MGAT5B: variants seen among roughly 807,000 people sequenced by gnomAD.
MGAT5B encodes the protein N-acetylglucosaminyl-transferase Vb.
A neutral mutation model predicts 95.1 loss-of-function variants in MGAT5B; 54 were observed. The ratio of observed to expected loss-of-function variants is 0.57; its 90% CI spans 0.46 to 0.71. MGAT5B has a LOEUF of 0.71. Ranked by LOEUF, MGAT5B falls within the 30% of genes least tolerant of loss-of-function variation. MGAT5B has a pLI of 0.00. For synonymous variants in MGAT5B, 464 were observed against 451.0 expected, an observed-to-expected ratio of 1.03 and a Z score of -0.36; for missense variants, 935 against 1,088.6, an observed-to-expected ratio of 0.86 and a Z score of 1.99.
At position 76,869,406 on chromosome 17, in the gene MGAT5B, C is replaced by A. The variant is rs901382511; in HGVS notation, c.68+309C>A. Among the ~76,000 whole-genome samples, 2 of 152,076 alleles carry A rather than the reference C, an allele frequency of 1.3e-5. No individual in the cohort carries two copies. The highest frequency in any genetic ancestry group is 2.9e-5 in the Non-Finnish European group (2 of 68,000). On this transcript the variant is annotated intron_variant, in intron 1 of 17. Transcript: ENST00000569840. This position sits in a 1 kb window ranked among gnomAD's most constrained non-coding sequence, Gnocchi z 7.0. ...TCCTGGGCCCAGAAAGTTGCCCCAG[C>A]CTGCGCGCCCCTTCCCAGCCCCTCA...
rs1478965970 is a variant in MGAT5B, at chr17:76,916,561, T to C, written c.1026-8405T>C. Among the ~76,000 whole-genome samples the C allele has an allele frequency of 1.3e-5, 2 of 152,208 alleles. No homozygotes were observed. Among genetic ancestry groups the C allele is most frequent in the African/African-American group, 4.8e-5 (2 of 41,452 alleles). ...CCGTAACCCCAGCACTTTGGGAGGCTGGGATTACAGGCAGATCCCTTGAGT... is the reference window on the plus strand; with the variant it reads ...CCGTAACCCCAGCACTTTGGGAGGCCGGGATTACAGGCAGATCCCTTGAGT... On this transcript the variant is annotated intron_variant, in intron 8 of 17. Transcript: ENST00000569840. This position sits in a 1 kb window ranked among gnomAD's most constrained non-coding sequence, Gnocchi z 5.3.
chr17:76,922,227 A>G (rs1175561479), intron 8 of MGAT5B, among the ~76,000 whole-genome samples: 4 of 152,232 alleles, frequency 2.6e-5, no homozygotes, highest in Non-Finnish European at 5.9e-5. Context: ...TGGTGCAGGT[A>G]GCAGCTCCTA....
rs367562917 is a variant in MGAT5B, at chr17:76,930,255, A to G, written c.1292-2390A>G. 6.6e-6 allele frequency among the ~76,000 whole-genome samples: 1 copy of G among 151,288 alleles called. No individual in the cohort carries two copies. Among genetic ancestry groups the G allele is most frequent in the East Asian group, 2.0e-4 (1 of 5,126 alleles). On this transcript the variant is annotated intron_variant, in intron 10 of 17. Transcript: ENST00000569840. The surrounding 1 kb of genome is among the most constrained non-coding windows in gnomAD (Gnocchi z 4.1). ...GGGGGCACTTACACAGGAAAGCATC[A>G]TCTCTTCTAAGCTGTACCAGATGTT...
intron 8 of MGAT5B, among the ~76,000 whole-genome samples, chr17:76,910,074 C>T (rs1177219985): frequency 6.6e-6 from 1 of 152,140 alleles, no homozygotes; most frequent in East Asian, 1.9e-4. Flanking sequence ...CTGCAAGGAA[C>T]CCGGCTGGGA....
intron 6 of MGAT5B, among the ~76,000 whole-genome samples, chr17:76,904,723 A>T (rs564595965): frequency 1.3e-5 from 2 of 152,250 alleles, no homozygotes; most frequent in Non-Finnish European, 2.9e-5. Flanking sequence ...TTCTGTGTCC[A>T]GATGCTTTAT....
intron 3 of MGAT5B, among the ~76,000 whole-genome samples, chr17:76,884,376 AATATGTGGTT>A (rs1488599833): frequency 6.6e-6 from 1 of 152,142 alleles, no homozygotes; most frequent in Non-Finnish European, 1.5e-5. Flanking sequence ...TGATTGATTC[AATATGTGGTT>A]ATATGTGGTT....
In MGAT5B at chr17:76,869,018, C is replaced by G. The variant is rs201596694; in HGVS notation, c.-12C>G. The stretch of plus-strand genomic sequence containing the variant: ...CCTCGCCCGCGGCTGCTCGCACCAA[C>G]AAGTTTGAACAATGATCACCGTCAA... On this transcript the variant is annotated 5_prime_UTR_variant, in exon 1 of 18. Transcript: ENST00000569840. This position sits in a 1 kb window ranked among gnomAD's most constrained non-coding sequence, Gnocchi z 7.0. The G allele has an allele frequency of 6.2e-7, 1 of 1,613,732 alleles. No individual in the cohort carries two copies. Among genetic ancestry groups the G allele is most frequent in the Non-Finnish European group, 8.5e-7 (1 of 1,179,764 alleles).
In MGAT5B at chr17:76,906,411, C is replaced by A. The variant is rs1297596705; in HGVS notation, c.1025+224C>A. On this transcript the variant is annotated intron_variant, in intron 8 of 17. Transcript: ENST00000569840. This position sits in a 1 kb window ranked among gnomAD's most constrained non-coding sequence, Gnocchi z 4.6. Reference sequence around the variant, plus strand: ...GTGGCAGGGAAGTGTATTTGCATAGCGCTGTCTGGCCAGGGCCTGGCTCCT... The same window carrying A: ...GTGGCAGGGAAGTGTATTTGCATAGAGCTGTCTGGCCAGGGCCTGGCTCCT... 6.6e-6 allele frequency among the ~76,000 whole-genome samples: 1 copy of A among 152,208 alleles called. No homozygotes were observed. The highest frequency in any genetic ancestry group is 1.5e-5 in the Non-Finnish European group (1 of 68,032).
At chr17:76,882,347 C>T (rs759958066) in intron 3 of MGAT5B, 49 bp downstream of exon 3, 1 of 1,550,342 alleles carries the variant, frequency 6.5e-7, no homozygotes, top group South Asian at 1.2e-5. Flanking sequence ...GCGGTGGCAC[C>T]TGCCACTCCA....
At chr17:76,888,809 C>T (rs886425671) in intron 3 of MGAT5B, among the ~76,000 whole-genome samples, 13 of 152,172 alleles carry the variant, frequency 8.5e-5, no homozygotes, top group Admixed American at 8.5e-4. Context: ...CACTGGAGGG[C>T]CGCGTTGGTG....
rs972393228 is a variant in MGAT5B at position 76,917,031 on chromosome 17, C to T, written c.1026-7935C>T. 5.3e-5 allele frequency among the ~76,000 whole-genome samples: 8 copies of T among 152,164 alleles called. No homozygotes were observed. Among genetic ancestry groups the T allele is most frequent in the South Asian group, 2.1e-4 (1 of 4,826 alleles). ...AACCCCCTAGCACTCTTCCCGACTA[C>T]GCTGTCAGGTTTGAGTCAGCCTAGT... On this transcript the variant is annotated intron_variant, in intron 8 of 17. Transcript: ENST00000569840. The surrounding 1 kb of genome is among the most constrained non-coding windows in gnomAD (Gnocchi z 6.1).
chr17:76,884,591 A>G (rs1391091294), intron 3 of MGAT5B, among the ~76,000 whole-genome samples: 1 of 142,342 alleles, frequency 7.0e-6, no homozygotes, highest in Non-Finnish European at 1.5e-5. Flanking sequence ...GTGTGCCACC[A>G]TGCCCAGCTA....
intron 3 of MGAT5B, 50 bp from the exon 4 acceptor site, chr17:76,902,505 A>G (rs756271048): frequency 4.3e-6 from 6 of 1,405,934 alleles, no homozygotes; most frequent in Non-Finnish European, 2.0e-6. Context: ...CCCTCATGGG[A>G]AGGTCACCCC....
At position 76,870,559 on chromosome 17, in the gene MGAT5B, C is replaced by G. The variant is rs1183534972; in HGVS notation, c.68+1462C>G. ...GGAAGCAGCCGCGAGACCCCAGCAC[C>G]ACGGACAGTGCTCGCGACCCAGGGC... On this transcript the variant is annotated intron_variant, in intron 1 of 17. Coordinates refer to ENST00000569840, the MANE Select transcript of MGAT5B (RefSeq NM_001199172.2). The surrounding 1 kb of genome is among the most constrained non-coding windows in gnomAD (Gnocchi z 5.0). 1.3e-5 allele frequency among the ~76,000 whole-genome samples: 2 copies of G among 152,184 alleles called. No homozygotes were observed. The highest frequency in any genetic ancestry group is 2.9e-5 in the Non-Finnish European group (2 of 68,022).
At position 76,933,276 on chromosome 17, in the gene MGAT5B, C is replaced by A. The variant is rs751959144; in HGVS notation, c.1423-16C>A. Reference sequence around the variant, plus strand: ...CTCTCTCTCTGTTCCTTGTGCTCCCCCTGGCCACGAGGCAGCTCCAGGTAT... The same window carrying A: ...CTCTCTCTCTGTTCCTTGTGCTCCCACTGGCCACGAGGCAGCTCCAGGTAT... On this transcript the variant is annotated splice_polypyrimidine_tract_variant and intron_variant, in intron 11 of 17. Transcript: ENST00000569840. The A allele has an allele frequency of 6.3e-7, 1 of 1,598,182 alleles. No homozygotes were observed. The highest frequency in any genetic ancestry group is 1.3e-5 in the African/African-American group (1 of 74,910).
At chr17:76,925,744 A>T (rs1206895535) in intron 9 of MGAT5B, among the ~76,000 whole-genome samples, 1 of 151,900 alleles carries the variant, frequency 6.6e-6, no homozygotes, top group Non-Finnish European at 1.5e-5. Flanking sequence ...TCCCTGGGGG[A>T]AAAGTGCCAA....
chr17:76,924,067 A>T (rs1440855473), intron 8 of MGAT5B: 1 of 152,170 alleles, frequency 6.6e-6, no homozygotes, highest in Non-Finnish European at 1.5e-5. Context: ...TTCTGGCGGG[A>T]GGAGCTGGTT....
chr17:76,947,243 A>G (rs61559205), intron 16 of MGAT5B, among the ~76,000 whole-genome samples: 32,344 of 152,172 alleles, frequency 0.21, 3,558 homozygotes, highest in South Asian at 0.32. Flanking sequence ...TGGCCCCACC[A>G]ATATTAGGGG....
chr17:76,907,844 C>T (rs773265259), intron 8 of MGAT5B, among the ~76,000 whole-genome samples: 4 of 152,182 alleles, frequency 2.6e-5, no homozygotes, highest in Non-Finnish European at 4.4e-5. Context: ...TCCGCTGGTT[C>T]ACATTCTCAC....
Sources: gnomAD v4.1 joint callset for allele counts (sites outside exome capture counted in the v4.1 genomes callset) on GRCh38, gnomAD v4.1.1 for gene constraint, Gnocchi (gnomAD v3.1) non-coding constraint, MANE v1.5 for transcripts, NCBI Gene and HGNC (gene_info 2026-07-23, HGNC 2026-07-21) for gene names.